ASCC2: variants seen among roughly 807,000 people sequenced by gnomAD.
ASCC2 encodes the protein ASC-1 complex subunit P100.
A neutral mutation model predicts 93.5 loss-of-function variants in ASCC2; 42 were observed. That is an observed-to-expected ratio of 0.45 (90% CI 0.35 to 0.58). The LOEUF (loss-of-function observed/expected upper bound fraction) is 0.58. Ranked by LOEUF, ASCC2 falls within the 20% of genes least tolerant of loss-of-function variation. The probability of loss-of-function intolerance (pLI) is 0.00; values close to 1 mark genes in which losing one functional copy is unlikely to be tolerated. For synonymous variants in ASCC2, 364 were observed against 384.2 expected (o/e 0.95, Z 0.62); for missense variants, 859 against 977.6 (o/e 0.88, Z 1.62).
intron 16 of ASCC2, 30 bp downstream of exon 16, chr22:29,793,547 C>T: frequency 6.2e-7 from 1 of 1,613,638 alleles, no homozygotes; most frequent in Non-Finnish European, 8.5e-7. Flanking sequence ...GTTTCCCTGG[C>T]CCAGCAGAGA....
chr22:29,794,451 C>T (rs1307926830), intron 15 of ASCC2, among the ~76,000 whole-genome samples: 1 of 151,966 alleles, frequency 6.6e-6, no homozygotes, highest in Non-Finnish European at 1.5e-5. Context: ...GAGATCACGC[C>T]ACTGCACTCC....
rs115883376 is a variant in ASCC2, at chr22:29,799,581, T to C, written c.1688+1410A>G. ...ACAAGGCTGGCTGGTCTCCTCCCTCTCTGAACCTCACGGTCCCCATTCACG... is the reference window on the plus strand; with the variant it reads ...ACAAGGCTGGCTGGTCTCCTCCCTCCCTGAACCTCACGGTCCCCATTCACG... On this transcript the variant is annotated intron_variant, in intron 15 of 19. Transcript: ENST00000307790. Among the ~76,000 whole-genome samples, 822 of 152,284 alleles carry C rather than the reference T, an allele frequency of 5.4e-3. 9 individuals carry two copies. The highest frequency in any genetic ancestry group is 0.019 in the African/African-American group (785 of 41,564).
At chr22:29,820,793 C>T (rs2061456949) in intron 5 of ASCC2, among the ~76,000 whole-genome samples, 1 of 151,590 alleles carries the variant, frequency 6.6e-6, no homozygotes, top group Admixed American at 6.6e-5. Context: ...GTAATCCCAG[C>T]TACTTCGGAG....
chr22:29,816,972 T>C (rs1341217201), intron 5 of ASCC2, among the ~76,000 whole-genome samples: 1 of 152,208 alleles, frequency 6.6e-6, no homozygotes, highest in Non-Finnish European at 1.5e-5. Context: ...GTTCTCTGCC[T>C]TTGGGCAGGT....
chr22:29,798,588 T>C (rs1229776684), intron 15 of ASCC2, among the ~76,000 whole-genome samples: 2 of 152,230 alleles, frequency 1.3e-5, no homozygotes, highest in African/African-American at 4.8e-5. Context: ...CAGATTTCCT[T>C]ACTACTTAAG....
intron 4 of ASCC2, among the ~76,000 whole-genome samples, chr22:29,824,525 G>C (rs1301839464): frequency 2.0e-5 from 3 of 151,896 alleles, no homozygotes; most frequent in Non-Finnish European, 4.4e-5. Context: ...TGAGATGGGA[G>C]GATCACTTGA....
At position 29,825,203 on chromosome 22, in the gene ASCC2, G is replaced by A; in HGVS notation, c.295C>T (p.Pro99Ser). The change falls in exon 4 of 20, where the codon CCC becomes TCC. Residue 99 changes from proline (P) to serine (S), a missense_variant. By Grantham distance (74) the Pro-to-Ser change is moderately conservative. Coordinates refer to ENST00000307790, the MANE Select transcript of ASCC2 (RefSeq NM_032204.5). The surrounding 1 kb of genome is among the most constrained non-coding windows in gnomAD (Gnocchi z 4.9). ...KCLDSYLRYV[P>S]RKFDEGVASA... ...GCCACCCCCTCGTCGAATTTGCGGG[G>A]GACATAGCGCAGGTAGGAGTCCAGG... 2 of 1,559,618 alleles carry A rather than the reference G, an allele frequency of 1.3e-6. No homozygotes were observed. The highest frequency in any genetic ancestry group is 8.7e-7 in the Non-Finnish European group (1 of 1,153,444).
chr22:29,793,580 C>T lies in ASCC2; in HGVS notation c.1785G>A (p.Glu595=). 6.2e-7 allele frequency: 1 copy of T among 1,612,996 alleles called. No individual in the cohort carries two copies. Residue 595 remains glutamate, a synonymous_variant, in exon 16 of 20, where the codon GAG becomes GAA. Coordinates refer to ENST00000307790, the MANE Select transcript of ASCC2 (RefSeq NM_032204.5). ...QRYEQYSVVV[E]EVPLQPGESL... Reference sequence around the variant, plus strand: ...AGACCTGGCCTTGGTGGCCTACCTCCTCCACCACCACGCTGTACTGCTCGT... The same window carrying T: ...AGACCTGGCCTTGGTGGCCTACCTCTTCCACCACCACGCTGTACTGCTCGT...
In ASCC2 at chr22:29,809,121, C is replaced by CA. The variant is rs1316093434; in HGVS notation, c.834-937dup. ...TGGGCAACAGAGTGAGACTCTGTCT[C>CA]AAAAAAAAAAAAAAAAAAAATTTAA... On this transcript the variant is annotated intron_variant, in intron 8 of 19. Transcript: ENST00000307790. Among the ~76,000 whole-genome samples, 348 of 40,920 alleles carry CA rather than the reference C, an allele frequency of 8.5e-3. 6 individuals carry two copies. The highest frequency in any genetic ancestry group is 0.012 in the Non-Finnish European group (224 of 17,934). The allele number at this position is 40,920 out of a possible 152,430, so 26.8% of individuals were successfully genotyped here. A position where few individuals can be genotyped will look rare whatever the true frequency, so the allele number is the denominator to read the frequency against.
At chr22:29,823,094 A>T (rs1303932784) in intron 4 of ASCC2, among the ~76,000 whole-genome samples, 2 of 152,092 alleles carry the variant, frequency 1.3e-5, no homozygotes, top group East Asian at 3.9e-4. Context: ...GCTGGAGTGC[A>T]GTGGTGCTAT....
chr22:29,832,083 C>A (rs1022114466), intron 2 of ASCC2, among the ~76,000 whole-genome samples, 162 bp downstream of exon 2: 1 of 152,176 alleles, frequency 6.6e-6, no homozygotes, highest in African/African-American at 2.4e-5. Context: ...GAAGGAAATT[C>A]CTACTCTGGG....
At chr22:29,829,485 G>A (rs868331403) in intron 2 of ASCC2, among the ~76,000 whole-genome samples, 1 of 152,198 alleles carries the variant, frequency 6.6e-6, no homozygotes, top group Middle Eastern at 3.4e-3. Flanking sequence ...TGCTTTAGGA[G>A]GCCAAGGCGG....
intron 14 of ASCC2, 37 bp from the exon 15 acceptor site, chr22:29,801,147 C>A: frequency 6.4e-7 from 1 of 1,563,552 alleles, no homozygotes; most frequent in Admixed American, 1.8e-5. Context: ...TAAGGGGGCC[C>A]TGCCAGCTGA....
intron 15 of ASCC2, among the ~76,000 whole-genome samples, chr22:29,794,426 A>G (rs1167242943): frequency 6.6e-6 from 1 of 151,606 alleles, no homozygotes; most frequent in Non-Finnish European, 1.5e-5. Flanking sequence ...TGGGAAGTGG[A>G]GGTTGCAGTG....
At chr22:29,799,795 T>C (rs1049634381) in intron 15 of ASCC2, among the ~76,000 whole-genome samples, 8 of 152,056 alleles carry the variant, frequency 5.3e-5, no homozygotes, top group African/African-American at 1.9e-4. Flanking sequence ...ACTCTCTTAT[T>C]TTTTTTTCTT....
chr22:29,821,977 T>C (rs774039289), intron 5 of ASCC2: 4 of 445,980 alleles, frequency 9.0e-6, no homozygotes, highest in South Asian at 6.3e-5. Flanking sequence ...CTTGCCTGAG[T>C]GACAGAGCAA....
intron 15 of ASCC2, among the ~76,000 whole-genome samples, chr22:29,795,155 G>A (rs1318103142): frequency 6.6e-6 from 1 of 151,996 alleles, no homozygotes; most frequent in Non-Finnish European, 1.5e-5. Flanking sequence ...TGGAACTCCT[G>A]GTCTCAAGTG....
At chr22:29,833,709 T>C (rs909016565) in intron 1 of ASCC2, 3 of 453,310 alleles carry the variant, frequency 6.6e-6, no homozygotes, top group Non-Finnish European at 1.4e-5. Flanking sequence ...TAGAACAGAC[T>C]CAATGACAAC....
At chr22:29,834,055 G>C (rs2063481389) in intron 1 of ASCC2, 1 of 163,940 alleles carries the variant, frequency 6.1e-6, no homozygotes, top group Admixed American at 6.2e-5. Context: ...CTGTTAACTG[G>C]CTTTACATGT....
Sources: gnomAD v4.1 joint callset for allele counts (sites outside exome capture counted in the v4.1 genomes callset) on GRCh38, gnomAD v4.1.1 for gene constraint, Gnocchi (gnomAD v3.1) non-coding constraint, MANE v1.5 for transcripts, NCBI Gene and HGNC (gene_info 2026-07-23, HGNC 2026-07-21) for gene names.